SEMA6D: variants seen among roughly 807,000 people sequenced by gnomAD.
SEMA6D encodes semaphorin 6D.
SEMA6D carries 35 observed loss-of-function variants against 106.6 expected under a neutral mutation model. That is an observed-to-expected ratio of 0.33 (90% CI 0.25 to 0.44). The LOEUF (loss-of-function observed/expected upper bound fraction) is 0.44. Among genes scored for constraint, SEMA6D ranks in the 20% least tolerant of loss-of-function variants. The probability of loss-of-function intolerance (pLI) is 1.00; values close to 1 mark genes in which losing one functional copy is unlikely to be tolerated. For synonymous variants in SEMA6D, 499 were observed against 487.7 expected (o/e 1.02, Z -0.31); for missense variants, 1,185 against 1,345.9 (o/e 0.88, Z 1.87).
chr15:47,564,964 C>G (rs1178385791), intron 3 of SEMA6D, among the ~76,000 whole-genome samples: 2 of 152,162 alleles, frequency 1.3e-5, no homozygotes, highest in African/African-American at 2.4e-5. Flanking sequence ...AGAAGATTAC[C>G]TATATCCCCC....
At chr15:47,503,519 AC>A (rs2043928661) in intron 3 of SEMA6D, among the ~76,000 whole-genome samples, 1 of 152,226 alleles carries the variant, frequency 6.6e-6, no homozygotes, top group Non-Finnish European at 1.5e-5. Flanking sequence ...GGTAAGTAAT[AC>A]AGAGTGTGAA....
chr15:47,243,988 A>G (rs139719713), intron 1 of SEMA6D, among the ~76,000 whole-genome samples: 4 of 152,306 alleles, frequency 2.6e-5, no homozygotes, highest in East Asian at 1.9e-4. Flanking sequence ...TAAACTAAAT[A>G]TATAATATGA....
intron 1 of SEMA6D, among the ~76,000 whole-genome samples, chr15:47,222,949 T>TA (rs1343054009): frequency 6.6e-6 from 1 of 152,152 alleles, no homozygotes; most frequent in Non-Finnish European, 1.5e-5. Context: ...ATTTAGTGAC[T>TA]AAAAAACCAC....
intron 4 of SEMA6D, among the ~76,000 whole-genome samples, chr15:47,610,652 G>A (rs1343353469): frequency 6.6e-5 from 10 of 151,976 alleles, no homozygotes; most frequent in Admixed American, 4.6e-4. Flanking sequence ...TCACTCATTC[G>A]GAGTATAATA....
At chr15:47,191,034 G>A (rs189923722) in intron 1 of SEMA6D, among the ~76,000 whole-genome samples, 10 of 152,192 alleles carry the variant, frequency 6.6e-5, no homozygotes, top group African/African-American at 2.4e-4. Flanking sequence ...ATAGCCGGGT[G>A]CAGTCATACA....
chr15:47,232,630 T>G (rs1418377541), intron 1 of SEMA6D, among the ~76,000 whole-genome samples: 1 of 151,904 alleles, frequency 6.6e-6, no homozygotes, highest in Non-Finnish European at 1.5e-5. Flanking sequence ...CTCTAATGAA[T>G]AGTAATGTTG....
At chr15:47,306,100 G>C (rs766956619) in intron 1 of SEMA6D, among the ~76,000 whole-genome samples, 11 of 151,980 alleles carry the variant, frequency 7.2e-5, no homozygotes, top group Non-Finnish European at 1.3e-4. Flanking sequence ...TCCTGTCTCA[G>C]CCTCCCCAGT....
intron 4 of SEMA6D, among the ~76,000 whole-genome samples, chr15:47,700,748 G>T (rs1258749341): frequency 6.6e-6 from 1 of 152,088 alleles, no homozygotes; most frequent in Admixed American, 6.6e-5. Context: ...AACATAGCAA[G>T]TTCATATATC....
intron 1 of SEMA6D, among the ~76,000 whole-genome samples, chr15:47,230,007 A>G (rs923470257): frequency 2.6e-5 from 4 of 152,094 alleles, no homozygotes; most frequent in African/African-American, 9.7e-5. Context: ...ATTAAAATTC[A>G]TTGTTTATTA....
chr15:47,755,150 C>A (rs914394003), intron 1 of SEMA6D, among the ~76,000 whole-genome samples: 11 of 152,050 alleles, frequency 7.2e-5, no homozygotes, highest in African/African-American at 2.7e-4. Flanking sequence ...CAGGGTTTCA[C>A]CATGTTGGTC....
intron 11 of SEMA6D, 82 bp from the exon 12 acceptor site, chr15:47,764,556 G>A: frequency 6.4e-7 from 1 of 1,563,948 alleles, no homozygotes; most frequent in Non-Finnish European, 8.7e-7. Context: ...TCTTCTCTGA[G>A]AATATACACT....
At chr15:47,350,613 G>C (rs2038285612) in intron 1 of SEMA6D, among the ~76,000 whole-genome samples, 1 of 152,112 alleles carries the variant, frequency 6.6e-6, no homozygotes. Flanking sequence ...CAAAAATCCA[G>C]ATGTTTCCAA....
intron 2 of SEMA6D, among the ~76,000 whole-genome samples, chr15:47,439,192 C>T (rs1230889240): frequency 1.3e-5 from 2 of 152,038 alleles, no homozygotes; most frequent in African/African-American, 4.8e-5. Flanking sequence ...AGCATATACC[C>T]AGAAATTTAT....
chr15:47,527,223 T>C (rs1427464060), intron 3 of SEMA6D, among the ~76,000 whole-genome samples: 1 of 152,156 alleles, frequency 6.6e-6, no homozygotes, highest in Non-Finnish European at 1.5e-5. Context: ...AAGAAGCAGC[T>C]CTAATTTTGA....
intron 1 of SEMA6D, among the ~76,000 whole-genome samples, chr15:47,727,658 C>G (rs2079846594): frequency 6.6e-6 from 1 of 150,824 alleles, no homozygotes; most frequent in African/African-American, 2.4e-5. Flanking sequence ...AGTGGCTTCC[C>G]CCCCAACCCC....
intron 4 of SEMA6D, among the ~76,000 whole-genome samples, chr15:47,697,718 A>G (rs915338898): frequency 6.6e-6 from 1 of 152,214 alleles, no homozygotes; most frequent in Non-Finnish European, 1.5e-5. Flanking sequence ...AATTAATTCT[A>G]ATTAATCTAA....
chr15:47,665,835 AC>A (rs2078015683), intron 4 of SEMA6D, among the ~76,000 whole-genome samples: 1 of 152,186 alleles, frequency 6.6e-6, no homozygotes, highest in Non-Finnish European at 1.5e-5. Flanking sequence ...ATAATAGTTT[AC>A]TCATAGTGAC....
chr15:47,552,831 T>TTTATATATATATAAATATATATAA lies in SEMA6D; in HGVS notation c.-86-48034_-86-48033insTTATATATATATAAATATATATAA, dbSNP rs1491028135. On this transcript the variant is annotated intron_variant, in intron 3 of 19. Transcript: ENST00000558014. The stretch of plus-strand genomic sequence containing the variant: ...AAATATATATAAATATATATATTTT[T>TTTATATATATATAAATATATATAA]ATATATATATAAATATATATAAATA... Among the ~76,000 whole-genome samples the TTTATATATATATAAATATATATAA allele has an allele frequency of 5.1e-3, 366 of 72,470 alleles. 26 individuals carry two copies. Among genetic ancestry groups the TTTATATATATATAAATATATATAA allele is most frequent in the African/African-American group, 0.033 (353 of 10,742 alleles). 47.5% of individuals were successfully genotyped at this position (72,470 alleles called of 152,430 possible). A position where few individuals can be genotyped will look rare whatever the true frequency, so the allele number is the denominator to read the frequency against.
intron 4 of SEMA6D, among the ~76,000 whole-genome samples, chr15:47,650,397 A>T (rs2077664129): frequency 6.6e-6 from 1 of 152,236 alleles, no homozygotes; most frequent in South Asian, 2.1e-4. Flanking sequence ...CAGCCAAATG[A>T]CTTTTGCTGA....
Sources: gnomAD v4.1 joint callset for allele counts (sites outside exome capture counted in the v4.1 genomes callset) on GRCh38, gnomAD v4.1.1 for gene constraint, MANE v1.5 for transcripts, NCBI Gene and HGNC (gene_info 2026-07-23, HGNC 2026-07-21) for gene names.